Variants in PDCD10 observed in about 807,000 individuals in gnomAD.
PDCD10 encodes the protein programmed cell death 10, also known as programmed cell death protein 10.
A neutral mutation model predicts 29.2 loss-of-function variants in PDCD10; 4 were observed. The observed-to-expected ratio is 0.14, with a 90% CI of 0.07 to 0.31. PDCD10 has a LOEUF of 0.31. Among genes scored for constraint, PDCD10 ranks in the 10% least tolerant of loss-of-function variants. The pLI, the probability that PDCD10 is intolerant of heterozygous loss-of-function variation, is 1.00. For synonymous variants in PDCD10, 70 were observed against 82.2 expected (o/e 0.85, Z 0.80); for missense variants, 183 against 257.9 (o/e 0.71, Z 1.99).
At chr3:167,687,174 T>A (rs1719715749) in intron 8 of PDCD10, 60 bp downstream of exon 8, 5 of 873,766 alleles carry the variant, frequency 5.7e-6, no homozygotes, top group Non-Finnish European at 9.4e-6. Context: ...GGTTTTCATA[T>A]CATATAAAAC....
At position 167,719,854 on chromosome 3, in the gene PDCD10, C is replaced by A. The variant is rs568984223; in HGVS notation, c.96+208G>T. On this transcript the variant is annotated intron_variant, in intron 3 of 8. Transcript: ENST00000392750. ...ATTTGTGTTCTTTTATTAAATGTCT[C>A]TTTCCCATTATAGCATAATCTCTAG... Among the ~76,000 whole-genome samples, 14 of 152,210 alleles carry A rather than the reference C, an allele frequency of 9.2e-5. No homozygotes were observed. In the South Asian group the frequency reaches 2.3e-3, roughly 25 times the overall value.
At position 167,721,070 on chromosome 3, in the gene PDCD10, T is replaced by C. The variant is rs374785300; in HGVS notation, c.-116-797A>G. 1.1e-4 allele frequency among the ~76,000 whole-genome samples: 17 copies of C among 152,310 alleles called. No homozygotes were observed. In the South Asian group the frequency reaches 3.5e-3, roughly 32 times the overall value. On this transcript the variant is annotated intron_variant, in intron 2 of 8. Coordinates refer to ENST00000392750, the MANE Select transcript of PDCD10 (RefSeq NM_007217.4). ...AGTTTTTAAAGAGAATACAACTATA[T>C]ATTTCCTTTACTATGGTTTAAAAAA... is the stretch of plus-strand genomic sequence containing the variant.
chr3:167,711,017 C>T (rs909218228), intron 3 of PDCD10, among the ~76,000 whole-genome samples: 1 of 152,064 alleles, frequency 6.6e-6, no homozygotes, highest in African/African-American at 2.4e-5. Context: ...GGCCCAAGTC[C>T]CTCAGAACAC....
chr3:167,716,847 A>G (rs1469946027), intron 3 of PDCD10, among the ~76,000 whole-genome samples: 1 of 151,956 alleles, frequency 6.6e-6, no homozygotes, highest in Non-Finnish European at 1.5e-5. Context: ...TTCAAAACAT[A>G]ATATATATTG....
At chr3:167,700,853 G>A (rs1222529314) in intron 4 of PDCD10, among the ~76,000 whole-genome samples, 1 of 152,110 alleles carries the variant, frequency 6.6e-6, no homozygotes, top group Non-Finnish European at 1.5e-5. Context: ...GAAAATCTTT[G>A]AGGAAAAAAA....
chr3:167,689,582 C>G (rs1719992151), intron 6 of PDCD10, among the ~76,000 whole-genome samples: 1 of 95,828 alleles, frequency 1.0e-5, no homozygotes, highest in African/African-American at 4.6e-5. Flanking sequence ...CCTAGGGAGA[C>G]AAAAACACAG....
chr3:167,705,950 T>C (rs1721926427), intron 3 of PDCD10, among the ~76,000 whole-genome samples: 1 of 152,148 alleles, frequency 6.6e-6, no homozygotes, highest in Non-Finnish European at 1.5e-5. Context: ...GGGACAGATA[T>C]AAAGAATGAA....
Position 167,720,045 on chromosome 3 carries a change from A to T in PDCD10, c.96+17T>A. 1 of 1,438,556 alleles carries T rather than the reference A, an allele frequency of 7.0e-7. No homozygotes were observed. 89.1% of individuals were successfully genotyped at this position (1,438,556 alleles called of 1,614,324 possible). A position where few individuals can be genotyped will look rare whatever the true frequency, so the allele number is the denominator to read the frequency against. On this transcript the variant is annotated intron_variant, in intron 3 of 8. Transcript: ENST00000392750. ...AGAATTGCAGAGTTCATGCAAGAAC[A>T]TGTTTACCCAACTCACCTCATTAAA... is the stretch of plus-strand genomic sequence containing the variant.
At position 167,695,647 on chromosome 3, in the gene PDCD10, C is replaced by A; in HGVS notation, c.344G>T (p.Ser115Ile). 1 of 1,612,840 alleles carries A rather than the reference C, an allele frequency of 6.2e-7. No individual in the cohort carries two copies. The change falls in exon 6 of 9, where the codon AGT (serine) becomes ATT (isoleucine). Residue 115 changes from serine (S) to isoleucine (I), a missense_variant. By Grantham distance (142) the Ser-to-Ile change is moderately radical. Coordinates refer to ENST00000392750, the MANE Select transcript of PDCD10 (RefSeq NM_007217.4). ...EKARALKQIL[S>I]KIPDEINDRV... Reference sequence around the variant, plus strand: ...GTCATTGATCTCATCTGGGATCTTACTGAGAATTTGTTTAAGTGCTCGTGC... The same window carrying A: ...GTCATTGATCTCATCTGGGATCTTAATGAGAATTTGTTTAAGTGCTCGTGC...
intron 6 of PDCD10, among the ~76,000 whole-genome samples, chr3:167,688,111 G>T (rs1719825034): frequency 6.6e-6 from 1 of 152,140 alleles, no homozygotes; most frequent in Non-Finnish European, 1.5e-5. Context: ...TTTGAACAAG[G>T]AACAATTTTA....
At chr3:167,684,737 C>A (rs1343120591) in intron 8 of PDCD10, among the ~76,000 whole-genome samples, 9 of 151,894 alleles carry the variant, frequency 5.9e-5, no homozygotes, top group African/African-American at 2.2e-4. Flanking sequence ...CAAGTAAAAT[C>A]CAGCAAAGTA....
intron 6 of PDCD10, among the ~76,000 whole-genome samples, chr3:167,693,788 TA>T (rs781020722): frequency 4.7e-3 from 643 of 137,112 alleles, no homozygotes; most frequent in Admixed American, 4.5e-3. Context: ...TACTAAAAAT[TA>T]AAAAAAAAAA....
At chr3:167,693,808 T>G (rs1720509255) in intron 6 of PDCD10, among the ~76,000 whole-genome samples, 2 of 151,652 alleles carry the variant, frequency 1.3e-5, no homozygotes, top group South Asian at 2.1e-4. Context: ...AAAAAGAAAT[T>G]AGCTTGGTGT....
At chr3:167,698,303 C>CT (rs2108414258) in intron 4 of PDCD10, among the ~76,000 whole-genome samples, 2 of 152,252 alleles carry the variant, frequency 1.3e-5, no homozygotes, top group South Asian at 4.1e-4. Flanking sequence ...TAACAATAAA[C>CT]TGTGTTTGAC....
intron 4 of PDCD10, among the ~76,000 whole-genome samples, chr3:167,704,391 C>T (rs572796454): frequency 6.6e-6 from 1 of 152,018 alleles, no homozygotes; most frequent in Admixed American, 6.6e-5. Context: ...CCATGCCTGG[C>T]TAATATTTTT....
intron 4 of PDCD10, 112 bp from the exon 5 acceptor site, chr3:167,697,238 G>C: frequency 2.9e-6 from 2 of 684,924 alleles, no homozygotes; most frequent in Non-Finnish European, 5.3e-6. Flanking sequence ...TAACTTTTAA[G>C]GGCAGAAATC....
Position 167,704,833 on chromosome 3 carries a change from G to C in PDCD10, c.150+9C>G. 6.4e-7 allele frequency: 1 copy of C among 1,559,890 alleles called. No homozygotes were observed. The highest frequency in any genetic ancestry group is 8.8e-7 in the Non-Finnish European group (1 of 1,130,996). ...CTTTAATAATCATAGTAAATTATTT[G>C]CACCTCACCTTGATGAAAGCGGCTC... On this transcript the variant is annotated intron_variant, in intron 4 of 8. Coordinates refer to ENST00000392750, the MANE Select transcript of PDCD10 (RefSeq NM_007217.4).
intron 4 of PDCD10, among the ~76,000 whole-genome samples, chr3:167,704,082 A>G (rs1173027695): frequency 6.6e-6 from 1 of 152,222 alleles, no homozygotes; most frequent in Admixed American, 6.5e-5. Flanking sequence ...TATTTTGAGT[A>G]ACTTAACTGT....
In PDCD10 at chr3:167,734,210, A is replaced by ATG. The variant is rs1725135016; in HGVS notation, c.-117+3_-117+4insCA. 6.6e-6 allele frequency: 1 copy of ATG among 152,228 alleles called. No homozygotes were observed. The highest frequency in any genetic ancestry group is 1.5e-5 in the Non-Finnish European group (1 of 68,090). 9.4% of individuals were successfully genotyped at this position (152,228 alleles called of 1,614,324 possible). ...CTGAAAGCAGTAAAGGAGTAAAAAC[A>ATG]TACCTTAGGTATGACACCTAAGAGG... On this transcript the variant is annotated splice_donor_region_variant and intron_variant, in intron 2 of 8. Transcript: ENST00000392750.
Sources: allele counts gnomAD v4.1 joint callset (sites outside exome capture counted in the v4.1 genomes callset), GRCh38; gene constraint gnomAD v4.1.1; transcripts MANE v1.5; gene names NCBI Gene and HGNC (gene_info 2026-07-23, HGNC 2026-07-21).